The following S100Z variants were observed in gnomAD, a reference collection of about 807,000 sequenced individuals.
The protein encoded by S100Z is protein S100-Z.
S100Z carries 11 observed loss-of-function variants against 8.5 expected under a neutral mutation model. The observed-to-expected ratio is 1.30, with a 90% confidence interval of 0.82 to 2.15. The LOEUF (loss-of-function observed/expected upper bound fraction) is 2.15, where lower values mean the gene tolerates loss of function less well. Ranked by LOEUF, S100Z falls within the 30% of genes most tolerant of loss-of-function variation. The pLI is 0.00. For synonymous variants in S100Z, 34 were observed against 43.8 expected (o/e 0.78, Z 0.89); for missense variants, 126 against 117.9 (o/e 1.07, Z -0.32).
chr5:76,892,006 C>T (rs977591933), intron 4 of S100Z, among the ~76,000 whole-genome samples: 5 of 152,014 alleles, frequency 3.3e-5, no homozygotes, highest in East Asian at 1.9e-4. Context: ...CAACCTAGTC[C>T]GAATGATTCA....
downstream of S100Z, among the ~76,000 whole-genome samples, chr5:76,925,334 C>T (rs1034415261): frequency 5.3e-5 from 8 of 152,108 alleles, no homozygotes; most frequent in South Asian, 8.3e-4. Flanking sequence ...TGCTTGGGGA[C>T]CATTTCATAG....
At chr5:76,934,804 C>T in the S100Z span, among the ~76,000 whole-genome samples, 1 of 152,132 alleles carries the variant, frequency 6.6e-6, no homozygotes. Context: ...ATTTAAATTT[C>T]TATTGTTTAT....
Position 76,893,181 on chromosome 5 carries a change from CAG to C in S100Z, c.*2+15349_*2+15350del, listed in dbSNP as rs142726388. 4.5e-3 allele frequency among the ~76,000 whole-genome samples: 680 copies of C among 152,218 alleles called. 6 individuals are homozygous for C. The highest frequency in any genetic ancestry group is 0.015 in the African/African-American group (640 of 41,534). On this transcript the variant is annotated intron_variant, in intron 4 of 4. Coordinates refer to ENST00000317593, the MANE Select transcript of S100Z (RefSeq NM_130772.4). ...ACTATATAATATTAACTTTAAACAA[CAG>C]AATGTTTGATTGGCCCAAATTTGGT... is the stretch of plus-strand genomic sequence containing the variant.
intron 4 of S100Z, among the ~76,000 whole-genome samples, chr5:76,901,675 C>T (rs1013095056): frequency 6.6e-6 from 1 of 152,190 alleles, no homozygotes; most frequent in African/African-American, 2.4e-5. Context: ...GAGTCAAGTC[C>T]TGGAATTGGG....
chr5:76,913,909 G>A (rs1041691885), intron 4 of S100Z, among the ~76,000 whole-genome samples: 6 of 152,228 alleles, frequency 3.9e-5, no homozygotes, highest in African/African-American at 1.4e-4. Context: ...AACTTCTGGA[G>A]TTGGGCAACA....
At chr5:76,855,602 C>G (rs935337188) in intron 1 of S100Z, among the ~76,000 whole-genome samples, 1 of 152,166 alleles carries the variant, frequency 6.6e-6, no homozygotes, top group Non-Finnish European at 1.5e-5. Context: ...GGAGTATTTA[C>G]CTAATATCTA....
At chr5:76,919,130 T>C (rs962563291) in intron 4 of S100Z, among the ~76,000 whole-genome samples, 1 of 152,230 alleles carries the variant, frequency 6.6e-6, no homozygotes, top group East Asian at 1.9e-4. Flanking sequence ...TTGCCAATTA[T>C]GAATAAAGTT....
rs548558556 is a variant in S100Z at position 76,877,296 on chromosome 5, G to A, written c.142-378G>A. On this transcript the variant is annotated intron_variant, in intron 3 of 4. Coordinates refer to ENST00000317593, the MANE Select transcript of S100Z (RefSeq NM_130772.4). ...AATGTTACGCGATTTGCTCAAATTC[G>A]CTCGTTGGTATTTTTCTCCTTTTTG... Among the ~76,000 whole-genome samples the A allele has an allele frequency of 1.2e-4, 18 of 152,128 alleles. 1 individual carries two copies. The South Asian group carries it at 3.7e-3, about 32-fold the overall frequency.
chr5:76,851,051 G>A (rs139072076), intron 1 of S100Z, among the ~76,000 whole-genome samples: 6 of 152,274 alleles, frequency 3.9e-5, no homozygotes, highest in South Asian at 2.1e-4. Context: ...GCTAATTAAC[G>A]TTGGCTACTA....
intron 1 of S100Z, among the ~76,000 whole-genome samples, chr5:76,860,935 C>T (rs1751037395): frequency 6.6e-6 from 1 of 152,170 alleles, no homozygotes. Flanking sequence ...TTACATTGCA[C>T]TATTTTTCTG....
At chr5:76,906,756 C>T (rs1744434559) in intron 4 of S100Z, among the ~76,000 whole-genome samples, 2 of 151,578 alleles carry the variant, frequency 1.3e-5, no homozygotes, top group African/African-American at 2.4e-5. Context: ...CCTCAGCCTC[C>T]TGAGTAGCTG....
chr5:76,907,023 T>TACAC (rs1561247631), intron 4 of S100Z, among the ~76,000 whole-genome samples: 1 of 89,918 alleles, frequency 1.1e-5, no homozygotes, highest in Non-Finnish European at 2.0e-5. Flanking sequence ...TATATATATA[T>TACAC]ACATATATAT....
chr5:76,941,493 A>T, the S100Z span, among the ~76,000 whole-genome samples: 1 of 152,090 alleles, frequency 6.6e-6, no homozygotes. Context: ...TTCTGCCATG[A>T]TTGTGAGGCC....
At chr5:76,906,981 T>TACATATAC (rs1454206749) in intron 4 of S100Z, among the ~76,000 whole-genome samples, 9 of 4,092 alleles carry the variant, frequency 2.2e-3, no homozygotes, top group African/African-American at 0.012. Context: ...TGTGTGTATA[T>TACATATAC]ATATATATAT....
the S100Z span, among the ~76,000 whole-genome samples, chr5:76,926,871 C>G: frequency 5.9e-5 from 9 of 152,178 alleles, no homozygotes; most frequent in African/African-American, 9.7e-5. Context: ...GCCTTAGAAA[C>G]GTCTGTATAA....
the S100Z span, among the ~76,000 whole-genome samples, chr5:76,938,376 G>A: frequency 6.6e-6 from 1 of 152,148 alleles, no homozygotes; most frequent in African/African-American, 2.4e-5. Context: ...TGGCTTTGGG[G>A]ATTTTTGGGT....
the S100Z span, chr5:76,952,936 T>C: frequency 1.7e-6 from 1 of 583,812 alleles, no homozygotes; most frequent in South Asian, 2.2e-5. Flanking sequence ...CCACGTACTC[T>C]GTCAATGAGA....
chr5:76,888,265 GAAAAA>G (rs1196566038), intron 4 of S100Z, among the ~76,000 whole-genome samples: 1 of 64,138 alleles, frequency 1.6e-5, no homozygotes, highest in East Asian at 5.4e-4. Flanking sequence ...TCAAAAAAAA[GAAAAA>G]AAAAAGGAAA....
chr5:76,914,963 T>C (rs1032215074), intron 4 of S100Z, among the ~76,000 whole-genome samples: 1 of 152,192 alleles, frequency 6.6e-6, no homozygotes, highest in Non-Finnish European at 1.5e-5. Context: ...GGTCTGTGGC[T>C]TTGTTCTTGA....
Sources: gnomAD v4.1 joint callset for allele counts (sites outside exome capture counted in the v4.1 genomes callset) on GRCh38, gnomAD v4.1.1 for gene constraint, MANE v1.5 for transcripts, NCBI Gene and HGNC (gene_info 2026-07-23, HGNC 2026-07-21) for gene names.